Variants in SNX11 observed in about 807,000 individuals in gnomAD.
The protein encoded by SNX11 is sorting nexin-11.
Under a neutral mutation model 30.7 loss-of-function variants are expected in SNX11, and 19 were observed. That is an observed-to-expected ratio of 0.62 (90% CI 0.43 to 0.91). The LOEUF (loss-of-function observed/expected upper bound fraction) is 0.91, where lower values mean the gene tolerates loss of function less well. Ranked by LOEUF, SNX11 falls within the 40% of genes least tolerant of loss-of-function variation. The probability of loss-of-function intolerance (pLI) is 0.00; values close to 1 mark genes in which losing one functional copy is unlikely to be tolerated. For synonymous variants in SNX11, 112 were observed against 119.0 expected (o/e 0.94, Z 0.38); for missense variants, 302 against 326.7 (o/e 0.92, Z 0.58).
intron 4 of SNX11, among the ~76,000 whole-genome samples, chr17:48,115,128 C>G (rs575556585): frequency 7.1e-6 from 1 of 140,410 alleles, no homozygotes; most frequent in Non-Finnish European, 1.5e-5. Context: ...ATGGTGTGAT[C>G]TCGGCTCACT....
intron 6 of SNX11, among the ~76,000 whole-genome samples, chr17:48,120,292 C>T (rs1406066528): frequency 3.2e-4 from 48 of 148,936 alleles, no homozygotes; most frequent in African/African-American, 1.1e-3. Context: ...CTGCAACCTC[C>T]GCCTCCCAGG....
intron 4 of SNX11, among the ~76,000 whole-genome samples, chr17:48,117,108 G>A (rs1489625857): frequency 2.6e-5 from 4 of 151,554 alleles, no homozygotes; most frequent in Non-Finnish European, 5.9e-5. Context: ...AGGCTGGAGT[G>A]CAATGGCTTG....
At chr17:48,118,910 A>T (rs1240354625) in intron 5 of SNX11, 64 bp from the exon 6 acceptor site, 4 of 1,574,010 alleles carry the variant, frequency 2.5e-6, no homozygotes, top group Non-Finnish European at 3.5e-6. Context: ...TCTTAAGAGG[A>T]TGGGGAATGG....
chr17:48,112,664 AG>A lies in SNX11; in HGVS notation c.129+5del. On this transcript the variant is annotated splice_donor_5th_base_variant and intron_variant, in intron 3 of 6. Transcript: ENST00000359238. ...GGATTATAAGATATTCCTCCATGTG[AG>A]TACATCAAGCTTCTGTATTGGGGTC... 1 of 1,599,422 alleles carries A rather than the reference AG, an allele frequency of 6.3e-7. No homozygotes were observed. Among genetic ancestry groups the A allele is most frequent in the South Asian group, 1.1e-5 (1 of 90,774 alleles).
At chr17:48,120,282 C>T (rs2063585964) in intron 6 of SNX11, among the ~76,000 whole-genome samples, 1 of 141,582 alleles carries the variant, frequency 7.1e-6, no homozygotes, top group Non-Finnish European at 1.5e-5. Context: ...TCTCGGCTCA[C>T]TGCAACCTCC....
chr17:48,121,534 C>T lies in SNX11; in HGVS notation c.*26C>T. On this transcript the variant is annotated 3_prime_UTR_variant, in exon 7 of 7. Coordinates refer to ENST00000359238, the MANE Select transcript of SNX11 (RefSeq NM_013323.3). ...GCTCTGGGTTCTGCTCTGAGATGGT[C>T]AGAGAAGATGCGGGCCAGGAGACTT... 3.7e-6 allele frequency: 6 copies of T among 1,608,890 alleles called. 1 individual carries two copies. In the South Asian group the frequency reaches 6.6e-5, roughly 18 times the overall value.
rs11404662 is a variant in SNX11, at chr17:48,123,421, C to CAA, written c.*1919_*1920dup. 4.0e-5 allele frequency among the ~76,000 whole-genome samples: 6 copies of CAA among 151,752 alleles called. No individual in the cohort carries two copies. Among genetic ancestry groups the CAA allele is most frequent in the Non-Finnish European group, 7.4e-5 (5 of 67,922 alleles). On this transcript the variant is annotated 3_prime_UTR_variant, in exon 7 of 7. Transcript: ENST00000359238. ...GGTCTGTGTCAATTCCCTACTCAGC[C>CAA]AAAAAAACAGCAAGCTGGGTTGGCC...
intron 4 of SNX11, 34 bp downstream of exon 4, chr17:48,113,435 G>GA: frequency 1.3e-6 from 2 of 1,538,214 alleles, no homozygotes; most frequent in Non-Finnish European, 1.8e-6. Context: ...TTGGGTCTGT[G>GA]ACTGGCTTTT....
At position 48,112,036 on chromosome 17, in the gene SNX11, T is replaced by G. The variant is rs768552031; in HGVS notation, c.-8T>G. ...TATCCTCTGTCCCTCATCAGATGTT[T>G]CCTTCCAATGGGCTTTTGGTGTAGG... On this transcript the variant is annotated 5_prime_UTR_variant, in exon 2 of 7. Transcript: ENST00000359238. The G allele has an allele frequency of 1.9e-6, 3 of 1,612,560 alleles. No individual in the cohort carries two copies. Among genetic ancestry groups the G allele is most frequent in the Non-Finnish European group, 2.5e-6 (3 of 1,178,530 alleles).
rs765925027 is a variant in SNX11 at position 48,119,109 on chromosome 17, T to C, written c.462T>C (p.Tyr154=). ...CTGTGTCTGATGCCATTCTTCGATA[T>C]GCTATGTCAAACTGTGGCTGGGCCC... ...TMTVSDAILR[Y]AMSNCGWAQE... The change falls in exon 6 of 7, where the codon TAT becomes TAC. Residue 154 remains tyrosine (Y), a synonymous_variant. Transcript: ENST00000359238. 72 of 1,614,044 alleles carry C rather than the reference T, an allele frequency of 4.5e-5. No homozygotes were observed. Among genetic ancestry groups the C allele is most frequent in the Non-Finnish European group, 6.1e-5 (72 of 1,180,044 alleles).
chr17:48,110,012 CTG>C (rs2063475893), intron 1 of SNX11, among the ~76,000 whole-genome samples: 2 of 151,814 alleles, frequency 1.3e-5, no homozygotes, highest in African/African-American at 2.4e-5. Flanking sequence ...GAGTGGATGA[CTG>C]TGATTTCCTT....
At chr17:48,108,077 G>C (rs1390854430) in intron 1 of SNX11, 1 of 152,224 alleles carries the variant, frequency 6.6e-6, no homozygotes, top group East Asian at 1.9e-4. Context: ...TAATCGGAAA[G>C]AAAGAAGGAC....
chr17:48,120,180 T>A (rs1408414701), intron 6 of SNX11, among the ~76,000 whole-genome samples: 1 of 151,544 alleles, frequency 6.6e-6, no homozygotes. Flanking sequence ...ATTTTGTTTA[T>A]CCATTCACTT....
chr17:48,113,173 T>C (rs899981387), intron 3 of SNX11, 128 bp from the exon 4 acceptor site: 21 of 705,796 alleles, frequency 3.0e-5, no homozygotes, highest in Non-Finnish European at 4.7e-5. Context: ...CTTGTTCTAG[T>C]TGGGGACCTG....
In SNX11 at chr17:48,121,758, A is replaced by G. The variant is rs2063605045; in HGVS notation, c.*250A>G. 6.2e-6 allele frequency: 3 copies of G among 487,408 alleles called. No homozygotes were observed. The highest frequency in any genetic ancestry group is 5.5e-4 in the Middle Eastern group (1 of 1,806). 30.2% of individuals were successfully genotyped at this position (487,408 alleles called of 1,614,324 possible). On this transcript the variant is annotated 3_prime_UTR_variant, in exon 7 of 7. Coordinates refer to ENST00000359238, the MANE Select transcript of SNX11 (RefSeq NM_013323.3). ...CTGTTGCTTTTGAACAGAACCCTAT[A>G]TTACTCTCCTGGGATCTGAGTTTCT...
intron 1 of SNX11, among the ~76,000 whole-genome samples, chr17:48,108,814 C>T (rs143583492): frequency 6.6e-6 from 1 of 152,346 alleles, no homozygotes; most frequent in African/African-American, 2.4e-5. Flanking sequence ...GCTGCTTCTC[C>T]AGAGGCAGAA....
chr17:48,120,760 T>C (rs1445703135), intron 6 of SNX11, among the ~76,000 whole-genome samples: 1 of 151,854 alleles, frequency 6.6e-6, no homozygotes, highest in African/African-American at 2.4e-5. Flanking sequence ...TCTGCCCACC[T>C]CGGTCTCCCA....
At chr17:48,108,907 T>G (rs2063462141) in intron 1 of SNX11, among the ~76,000 whole-genome samples, 1 of 152,154 alleles carries the variant, frequency 6.6e-6, no homozygotes, top group African/African-American at 2.4e-5. Flanking sequence ...CTACTTGGTG[T>G]CTAGGTTTTT....
chr17:48,113,018 G>A (rs866362750), intron 3 of SNX11: 20 of 336,356 alleles, frequency 5.9e-5, no homozygotes, highest in East Asian at 1.3e-4. Context: ...GATTATAGGC[G>A]TGAGCCACCG....
Sources: allele counts gnomAD v4.1 joint callset (sites outside exome capture counted in the v4.1 genomes callset), GRCh38; gene constraint gnomAD v4.1.1; transcripts MANE v1.5; gene names NCBI Gene and HGNC (gene_info 2026-07-23, HGNC 2026-07-21).